The following NFILZ variants were observed in gnomAD, a reference collection of about 807,000 sequenced individuals.
The protein encoded by NFILZ is NFIL3 like protein.
intron 1 of NFILZ, among the ~76,000 whole-genome samples, chr19:8,632,160 C>T (rs571052259): frequency 2.6e-5 from 4 of 151,970 alleles, no homozygotes; most frequent in East Asian, 1.9e-4. Flanking sequence ...TGAGCCACCG[C>T]GCCCGGCCGC....
At chr19:8,636,277 G>A (rs1157730647) in intron 3 of NFILZ, among the ~76,000 whole-genome samples, 1 of 150,718 alleles carries the variant, frequency 6.6e-6, no homozygotes, top group Non-Finnish European at 1.5e-5. Context: ...GTGAAACCCC[G>A]TCTCTACTAA....
At chr19:8,648,700 A>C (rs2042952816) in intron 3 of NFILZ, among the ~76,000 whole-genome samples, 1 of 151,700 alleles carries the variant, frequency 6.6e-6, no homozygotes, top group East Asian at 1.9e-4. Flanking sequence ...AAAAAACCCA[A>C]AACTAGCCAG....
chr19:8,637,773 G>A (rs1350890876), intron 3 of NFILZ, among the ~76,000 whole-genome samples: 1 of 151,642 alleles, frequency 6.6e-6, no homozygotes, highest in East Asian at 1.9e-4. Context: ...CAGGCATGGT[G>A]GCAGATGCCT....
chr19:8,639,760 T>A (rs2042910888), intron 3 of NFILZ, among the ~76,000 whole-genome samples: 1 of 152,164 alleles, frequency 6.6e-6, no homozygotes, highest in African/African-American at 2.4e-5. Context: ...TAGGCCAGTG[T>A]CTGGCATATA....
rs149080628 is a variant in NFILZ, at chr19:8,639,747, T to C, written c.-164+4001T>C. On this transcript the variant is annotated intron_variant, in intron 3 of 5. Transcript: ENST00000691075. The stretch of plus-strand genomic sequence containing the variant: ...ACGACATGAATTAATATGTGTAAAG[T>C]GATAGGCCAGTGTCTGGCATATACC... 7.2e-3 allele frequency among the ~76,000 whole-genome samples: 1,101 copies of C among 152,154 alleles called. 9 individuals are homozygous for C. The highest frequency in any genetic ancestry group is 0.012 in the Non-Finnish European group (785 of 68,000).
chr19:8,647,215 A>G (rs372459194), intron 3 of NFILZ, among the ~76,000 whole-genome samples: 13 of 152,150 alleles, frequency 8.5e-5, no homozygotes, highest in Middle Eastern at 3.2e-3. Context: ...ATGCCCATCA[A>G]TGATAGACTG....
chr19:8,659,498 A>G (rs1416166281), intron 3 of NFILZ, among the ~76,000 whole-genome samples: 1 of 152,046 alleles, frequency 6.6e-6, no homozygotes, highest in Non-Finnish European at 1.5e-5. Context: ...AATGGTGGGA[A>G]GGCCAGTGTG....
chr19:8,671,956 C>T (rs980965423), intron 3 of NFILZ, among the ~76,000 whole-genome samples: 1 of 152,200 alleles, frequency 6.6e-6, no homozygotes, highest in African/African-American at 2.4e-5. Context: ...GACCCAGGCC[C>T]AGCCCTTTGT....
chr19:8,670,653 A>G (rs578100806), intron 3 of NFILZ, among the ~76,000 whole-genome samples: 5 of 152,270 alleles, frequency 3.3e-5, no homozygotes, highest in Middle Eastern at 3.4e-3. Context: ...TTGGGTGACT[A>G]TAGAATCCTG....
intron 3 of NFILZ, among the ~76,000 whole-genome samples, chr19:8,666,813 A>G (rs1367993748): frequency 6.6e-6 from 1 of 152,064 alleles, no homozygotes; most frequent in Non-Finnish European, 1.5e-5. Flanking sequence ...AGCTCACTAC[A>G]GCCTCGACCT....
At chr19:8,654,318 G>GGA (rs1284463552) in intron 3 of NFILZ, among the ~76,000 whole-genome samples, 1 of 92,816 alleles carries the variant, frequency 1.1e-5, no homozygotes, top group Non-Finnish European at 2.5e-5. Context: ...AAAAGCTACT[G>GGA]AAAAAAAAAA....
In NFILZ at chr19:8,674,812, T is replaced by G. The variant is rs562129981; in HGVS notation, c.-114+212T>G. On this transcript the variant is annotated intron_variant, in intron 4 of 5. Coordinates refer to ENST00000691075, the MANE Select transcript of NFILZ (RefSeq NM_001378600.1). Reference sequence around the variant, plus strand: ...CACATAACCATGTAGCAACAGAAACTAAGGTCAAGGGCTGTTAGTGAAGAA... The same window carrying G: ...CACATAACCATGTAGCAACAGAAACGAAGGTCAAGGGCTGTTAGTGAAGAA... 1.6e-3 allele frequency among the ~76,000 whole-genome samples: 238 copies of G among 152,196 alleles called. 1 individual carries two copies. Among genetic ancestry groups the G allele is most frequent in the Non-Finnish European group, 3.0e-3 (204 of 68,006 alleles).
At chr19:8,671,270 G>A (rs1384473726) in intron 3 of NFILZ, among the ~76,000 whole-genome samples, 6 of 152,028 alleles carry the variant, frequency 3.9e-5, no homozygotes, top group Non-Finnish European at 8.8e-5. Context: ...TGCCTGTCTC[G>A]CCACCCTCCG....
At chr19:8,637,328 GAA>G (rs1388377292) in intron 3 of NFILZ, among the ~76,000 whole-genome samples, 1 of 151,380 alleles carries the variant, frequency 6.6e-6, no homozygotes, top group African/African-American at 2.4e-5. Context: ...CTGGGCAATA[GAA>G]AAAAAACCAA....
At chr19:8,633,837 G>A (rs2146133207) in intron 2 of NFILZ, among the ~76,000 whole-genome samples, 1 of 151,708 alleles carries the variant, frequency 6.6e-6, no homozygotes, top group Admixed American at 6.6e-5. Flanking sequence ...TGGGAGTATA[G>A]CTTTCTTTCT....
chr19:8,637,694 G>T (rs2042900857), intron 3 of NFILZ, among the ~76,000 whole-genome samples: 1 of 151,032 alleles, frequency 6.6e-6, no homozygotes, highest in Non-Finnish European at 1.5e-5. Context: ...ATCACCTGAG[G>T]TCAGGAGTTT....
chr19:8,679,373 AT>A lies in NFILZ; in HGVS notation c.*1739del, dbSNP rs1252305898. ...TCCAATCATGGGGAGAGCTCATGGGATGGGGGGCTCATCTGGACTGGTACTG... is the reference window on the plus strand; with the variant it reads ...TCCAATCATGGGGAGAGCTCATGGGAGGGGGGCTCATCTGGACTGGTACTG... On this transcript the variant is annotated 3_prime_UTR_variant, in exon 6 of 6. Coordinates refer to ENST00000691075, the MANE Select transcript of NFILZ (RefSeq NM_001378600.1). 1.3e-5 allele frequency among the ~76,000 whole-genome samples: 2 copies of A among 151,780 alleles called. No individual in the cohort carries two copies. The highest frequency in any genetic ancestry group is 2.9e-5 in the Non-Finnish European group (2 of 67,962).
At chr19:8,639,806 GC>G (rs2042911189) in intron 3 of NFILZ, among the ~76,000 whole-genome samples, 1 of 152,080 alleles carries the variant, frequency 6.6e-6, no homozygotes, top group Non-Finnish European at 1.5e-5. Flanking sequence ...ATTTTTATAT[GC>G]GGTAGGCGTG....
At chr19:8,638,185 G>C (rs138278660) in intron 3 of NFILZ, among the ~76,000 whole-genome samples, 1 of 152,102 alleles carries the variant, frequency 6.6e-6, no homozygotes, top group Non-Finnish European at 1.5e-5. Flanking sequence ...ATTCTACAAC[G>C]AACTCATTGC....
Sources: gnomAD v4.1 joint callset for allele counts (sites outside exome capture counted in the v4.1 genomes callset) on GRCh38, gnomAD v4.1.1 for gene constraint, MANE v1.5 for transcripts, NCBI Gene and HGNC (gene_info 2026-07-23, HGNC 2026-07-21) for gene names.